Variants in EBF3 observed in about 807,000 individuals in gnomAD.
EBF3 encodes the protein transcription factor COE3.
A neutral mutation model predicts 77.1 loss-of-function variants in EBF3; 18 were observed. That is an observed-to-expected ratio of 0.23 (90% CI 0.16 to 0.35). EBF3 has a LOEUF of 0.35. Among genes scored for constraint, EBF3 ranks in the 10% least tolerant of loss-of-function variants. The pLI is 1.00. For missense variants in EBF3, 558 were observed against 860.0 expected, an observed-to-expected ratio of 0.65 and a Z score of 4.39; for synonymous variants, 350 against 343.5, an observed-to-expected ratio of 1.02 and a Z score of -0.21.
intron 6 of EBF3, among the ~76,000 whole-genome samples, chr10:129,895,083 C>T (rs962156212): frequency 6.6e-6 from 1 of 152,200 alleles, no homozygotes; most frequent in Non-Finnish European, 1.5e-5. Context: ...AGGTTCAGCC[C>T]CTTGTTCTGC....
chr10:129,876,885 A>ACGCCCCCCCCCCCCC (rs1852810848), intron 7 of EBF3, among the ~76,000 whole-genome samples: 1 of 42,368 alleles, frequency 2.4e-5, no homozygotes, highest in Non-Finnish European at 4.4e-5. Flanking sequence ...TCATCCCTGA[A>ACGCCCCCCCCCCCCC]CCCCCCCCCC....
chr10:129,926,622 G>C (rs781514331), intron 6 of EBF3, among the ~76,000 whole-genome samples: 1 of 152,170 alleles, frequency 6.6e-6, no homozygotes, highest in Non-Finnish European at 1.5e-5. Flanking sequence ...GGGCAGACTG[G>C]AGCACCCACT....
intron 6 of EBF3, among the ~76,000 whole-genome samples, chr10:129,955,463 T>C (rs1858967899): frequency 6.6e-6 from 1 of 152,196 alleles, no homozygotes; most frequent in South Asian, 2.1e-4. Flanking sequence ...TATCAAATAA[T>C]CACACACTTC....
At chr10:129,962,079 A>C (rs1321297225) in intron 4 of EBF3, 92 bp downstream of exon 4, 9 of 1,202,882 alleles carry the variant, frequency 7.5e-6, no homozygotes, top group East Asian at 7.0e-5. Flanking sequence ...AAACAAATAC[A>C]CGAGATCCAT....
At chr10:129,942,217 G>A (rs1300483850) in intron 6 of EBF3, among the ~76,000 whole-genome samples, 2 of 152,108 alleles carry the variant, frequency 1.3e-5, no homozygotes, top group East Asian at 1.9e-4. Flanking sequence ...AAAGATCATC[G>A]CAGCTTTTGA....
At position 129,842,779 on chromosome 10, in the gene EBF3, AAAG is replaced by A. The variant is rs1353337761; in HGVS notation, c.1194+355_1194+357del. 2.6e-5 allele frequency among the ~76,000 whole-genome samples: 4 copies of A among 151,276 alleles called. No homozygotes were observed. Among genetic ancestry groups the A allele is most frequent in the Non-Finnish European group, 4.4e-5 (3 of 67,752 alleles). On this transcript the variant is annotated intron_variant, in intron 12 of 16. Transcript: ENST00000440978. The surrounding 1 kb of genome is among the most constrained non-coding windows in gnomAD (Gnocchi z 4.4). ...ACCCTGTCTAAAAAAAAAAAAAAAA[AAAG>A]GGAGCAACATTTGCTGTGTTCTGTC... is the stretch of plus-strand genomic sequence containing the variant.
At chr10:129,962,417 A>G (rs1448105567) in intron 3 of EBF3, among the ~76,000 whole-genome samples, 191 bp from the exon 4 acceptor site, 1 of 152,018 alleles carries the variant, frequency 6.6e-6, no homozygotes, top group Non-Finnish European at 1.5e-5. Flanking sequence ...TTTCTTAACT[A>G]AGAACCTTAA....
At chr10:129,862,005 G>A (rs1371622190) in intron 10 of EBF3, among the ~76,000 whole-genome samples, 2 of 152,140 alleles carry the variant, frequency 1.3e-5, no homozygotes, top group Non-Finnish European at 2.9e-5. Flanking sequence ...TAAGAACCAT[G>A]AGTGCTTTCA....
chr10:129,948,049 G>T (rs1224888122), intron 6 of EBF3, among the ~76,000 whole-genome samples: 5 of 152,014 alleles, frequency 3.3e-5, no homozygotes. Context: ...CTGAGGTCAG[G>T]AGTTCGAGAC....
At position 129,840,231 on chromosome 10, in the gene EBF3, C is replaced by T. The variant is rs549183589; in HGVS notation, c.1759+14G>A. 1.5e-5 allele frequency: 23 copies of T among 1,550,344 alleles called. No individual in the cohort carries two copies. The highest frequency in any genetic ancestry group is 8.2e-5 in the African/African-American group (6 of 73,490). On this transcript the variant is annotated intron_variant, in intron 15 of 16. Coordinates refer to ENST00000440978, the MANE Select transcript of EBF3 (RefSeq NM_001375380.1). ...AGGACCCAGCACTGGCCCACGGCCCCGCACCACCCTCACCTTGCAGTCCAT... is the reference window on the plus strand; with the variant it reads ...AGGACCCAGCACTGGCCCACGGCCCTGCACCACCCTCACCTTGCAGTCCAT...
At position 129,867,145 on chromosome 10, in the gene EBF3, G is replaced by A. The variant is rs1241488485; in HGVS notation, c.1035C>T (p.Tyr345=). 4 of 1,613,708 alleles carry A rather than the reference G, an allele frequency of 2.5e-6. No homozygotes were observed. The South Asian group carries it at 3.3e-5, about 13-fold the overall frequency. ...FCKGAPGRFV[Y]TALNEPTIDY... Reference sequence around the variant, plus strand: ...AAGCTGGAGCTGTGAACTCACCGGTGTAGACAAAGCGCCCAGGAGCACCTT... The same window carrying A: ...AAGCTGGAGCTGTGAACTCACCGGTATAGACAAAGCGCCCAGGAGCACCTT... The change falls in exon 10 of 17, where the codon TAC becomes TAT. Residue 345 remains tyrosine (Y), a synonymous_variant. Transcript: ENST00000440978.
rs1850659662 is a variant in EBF3, at chr10:129,848,938, G to A, written c.1040-458C>T. On this transcript the variant is annotated intron_variant, in intron 10 of 16. Transcript: ENST00000440978. This position sits in a 1 kb window ranked among gnomAD's most constrained non-coding sequence, Gnocchi z 4.4. ...TAGCATATTGCCTGAGCACAAACCA[G>A]GCAGGAGGAGCACTTATTCTTGCAA... Among the ~76,000 whole-genome samples, 1 of 152,222 alleles carries A rather than the reference G, an allele frequency of 6.6e-6. No homozygotes were observed. Among genetic ancestry groups the A allele is most frequent in the Admixed American group, 6.5e-5 (1 of 15,290 alleles).
At chr10:129,928,973 G>A (rs1031175345) in intron 6 of EBF3, among the ~76,000 whole-genome samples, 1 of 152,116 alleles carries the variant, frequency 6.6e-6, no homozygotes, top group Non-Finnish European at 1.5e-5. Flanking sequence ...TTAGTAAAAC[G>A]GCCAGAGTGG....
intron 6 of EBF3, among the ~76,000 whole-genome samples, chr10:129,884,738 G>A (rs1238234076): frequency 6.6e-6 from 1 of 152,148 alleles, no homozygotes; most frequent in African/African-American, 2.4e-5. Context: ...CATGCTCCCC[G>A]AGCACACACG....
rs750869212 is a variant in EBF3 at position 129,935,245 on chromosome 10, C to T, written c.554+22013G>A. ...TCCCACTCGCACCTGTCACAGCAGC[C>T]ACTGTGGCCCATGGCTGTCCCAGCA... On this transcript the variant is annotated intron_variant, in intron 6 of 16. Transcript: ENST00000440978. The surrounding 1 kb of genome is among the most constrained non-coding windows in gnomAD (Gnocchi z 4.2). Among the ~76,000 whole-genome samples the T allele has an allele frequency of 3.3e-5, 5 of 152,150 alleles. No homozygotes were observed. The highest frequency in any genetic ancestry group is 2.6e-4 in the Admixed American group (4 of 15,282).
At chr10:129,846,963 G>A (rs943831150) in intron 11 of EBF3, among the ~76,000 whole-genome samples, 10 of 151,808 alleles carry the variant, frequency 6.6e-5, no homozygotes, top group African/African-American at 2.4e-4. Flanking sequence ...GCTTCCCAGG[G>A]GTCCCATCCA....
In EBF3 at chr10:129,935,986, CG is replaced by C. The variant is rs942383074; in HGVS notation, c.554+21271del. ...GGGGGCTTCCTGAAGCTGCCCCCCCCGCCCAACAATGCAGCTGGTGCCCAGG... is the reference window on the plus strand; with the variant it reads ...GGGGGCTTCCTGAAGCTGCCCCCCCCCCCAACAATGCAGCTGGTGCCCAGG... On this transcript the variant is annotated intron_variant, in intron 6 of 16. Coordinates refer to ENST00000440978, the MANE Select transcript of EBF3 (RefSeq NM_001375380.1). The surrounding 1 kb of genome is among the most constrained non-coding windows in gnomAD (Gnocchi z 4.2). Among the ~76,000 whole-genome samples the C allele has an allele frequency of 1.1e-3, 151 of 138,024 alleles. 1 individual carries two copies. Among genetic ancestry groups the C allele is most frequent in the African/African-American group, 4.9e-3 (143 of 29,232 alleles). The allele number at this position is 138,024 out of a possible 152,430, so 90.5% of individuals were successfully genotyped here.
At chr10:129,918,382 A>G (rs544312598) in intron 6 of EBF3, among the ~76,000 whole-genome samples, 59 of 152,336 alleles carry the variant, frequency 3.9e-4, no homozygotes, top group African/African-American at 1.4e-3. Context: ...AAGTTTTCAC[A>G]AGGCCTCATG....
At chr10:129,936,267 C>T (rs1244527468) in intron 6 of EBF3, among the ~76,000 whole-genome samples, 1 of 152,204 alleles carries the variant, frequency 6.6e-6, no homozygotes. Flanking sequence ...CTGGCTTCTA[C>T]CAGGTGGAAC....
Sources: allele counts gnomAD v4.1 joint callset (sites outside exome capture counted in the v4.1 genomes callset), GRCh38; gene constraint gnomAD v4.1.1; non-coding constraint Gnocchi (gnomAD v3.1); transcripts MANE v1.5; gene names NCBI Gene and HGNC (gene_info 2026-07-23, HGNC 2026-07-21).